SWT1: variants seen among roughly 807,000 people sequenced by gnomAD.
The protein encoded by SWT1 is SWT1 RNA endoribonuclease homolog.
In SWT1, 33 loss-of-function variants were observed where a neutral mutation model predicts 107.3. The ratio of observed to expected loss-of-function variants is 0.31; its 90% CI spans 0.23 to 0.41. SWT1 has a LOEUF of 0.41. Ranked by LOEUF, SWT1 falls within the 10% of genes least tolerant of loss-of-function variation. SWT1 has a pLI of 1.00. For synonymous variants in SWT1, 345 were observed against 348.3 expected (o/e 0.99, Z 0.11); for missense variants, 898 against 1,028.9 (o/e 0.87, Z 1.74).
At chr1:185,167,603 A>G (rs1290679126) in intron 3 of SWT1, among the ~76,000 whole-genome samples, 3 of 152,334 alleles carry the variant, frequency 2.0e-5, no homozygotes, top group Admixed American at 1.3e-4. Flanking sequence ...TCTGCTGAAA[A>G]TCTTTACTCA....
chr1:185,200,987 G>A (rs188099145), intron 10 of SWT1, among the ~76,000 whole-genome samples: 1 of 152,172 alleles, frequency 6.6e-6, no homozygotes, highest in African/African-American at 2.4e-5. Context: ...TGGCTACAGT[G>A]GCTTTGGGGC....
At chr1:185,202,484 A>G (rs1657963089) in intron 10 of SWT1, among the ~76,000 whole-genome samples, 170 bp from the exon 11 acceptor site, 1 of 152,066 alleles carries the variant, frequency 6.6e-6, no homozygotes, top group African/African-American at 2.4e-5. Context: ...GCACTTTAGA[A>G]TGGTGCCTAG....
rs770605743 is a variant in SWT1, at chr1:185,181,928, G to A, written c.1027-18G>A. 1 of 1,612,766 alleles carries A rather than the reference G, an allele frequency of 6.2e-7. No individual in the cohort carries two copies. Among genetic ancestry groups the A allele is most frequent in the South Asian group, 1.1e-5 (1 of 90,934 alleles). On this transcript the variant is annotated intron_variant, in intron 6 of 18. Coordinates refer to ENST00000367500, the MANE Select transcript of SWT1 (RefSeq NM_017673.7). The stretch of plus-strand genomic sequence containing the variant: ...CAAAGTAACTCAAAATATTTCACTG[G>A]GGTCTTTTACACTTTAGATGCAGAT...
At chr1:185,279,819 G>A (rs1189381269) in intron 18 of SWT1, among the ~76,000 whole-genome samples, 1 of 151,536 alleles carries the variant, frequency 6.6e-6, no homozygotes, top group Non-Finnish European at 1.5e-5. Context: ...GATTTAACTT[G>A]CATATAGATG....
chr1:185,236,294 C>A (rs1356973665), intron 16 of SWT1, among the ~76,000 whole-genome samples: 1 of 152,156 alleles, frequency 6.6e-6, no homozygotes, highest in Non-Finnish European at 1.5e-5. Flanking sequence ...AAACTGGAGG[C>A]ATCACGCTAC....
intron 14 of SWT1, among the ~76,000 whole-genome samples, chr1:185,217,520 A>C (rs1659312875): frequency 6.6e-6 from 1 of 152,062 alleles, no homozygotes; most frequent in Non-Finnish European, 1.5e-5. Flanking sequence ...CCCAGATGGG[A>C]CTGTAAGGTC....
At chr1:185,166,840 G>A (rs1382886308) in intron 3 of SWT1, among the ~76,000 whole-genome samples, 188 bp downstream of exon 3, 1 of 152,136 alleles carries the variant, frequency 6.6e-6, no homozygotes, top group Non-Finnish European at 1.5e-5. Flanking sequence ...TACCATGTGG[G>A]ATTAGACAAC....
chr1:185,234,594 C>T (rs1660730195), intron 16 of SWT1, among the ~76,000 whole-genome samples: 1 of 152,134 alleles, frequency 6.6e-6, no homozygotes, highest in African/African-American at 2.4e-5. Flanking sequence ...TTAATTGGGT[C>T]ATTTAGCCCA....
intron 13 of SWT1, among the ~76,000 whole-genome samples, chr1:185,208,790 A>G (rs909667889): frequency 6.6e-6 from 1 of 151,364 alleles, no homozygotes; most frequent in Non-Finnish European, 1.5e-5. Context: ...CTCAGGAGTA[A>G]GGAAAAAGGA....
chr1:185,206,174 G>T (rs1320663942), intron 12 of SWT1, among the ~76,000 whole-genome samples: 1 of 152,108 alleles, frequency 6.6e-6, no homozygotes, highest in Non-Finnish European at 1.5e-5. Context: ...GGCCAGGCTG[G>T]TCTCGAACTC....
At chr1:185,198,695 G>A (rs561486460) in intron 10 of SWT1, among the ~76,000 whole-genome samples, 1 of 151,012 alleles carries the variant, frequency 6.6e-6, no homozygotes, top group African/African-American at 2.4e-5. Flanking sequence ...GCCTTTCTTT[G>A]TCTCTTTTGA....
Position 185,181,932 on chromosome 1 carries a change from C to G in SWT1, c.1027-14C>G. The G allele has an allele frequency of 6.2e-7, 1 of 1,613,408 alleles. No individual in the cohort carries two copies. The highest frequency in any genetic ancestry group is 8.5e-7 in the Non-Finnish European group (1 of 1,179,706). On this transcript the variant is annotated splice_polypyrimidine_tract_variant and intron_variant, in intron 6 of 18. Transcript: ENST00000367500. Reference sequence around the variant, plus strand: ...GTAACTCAAAATATTTCACTGGGGTCTTTTACACTTTAGATGCAGATAGTA... The same window carrying G: ...GTAACTCAAAATATTTCACTGGGGTGTTTTACACTTTAGATGCAGATAGTA...
chr1:185,198,764 T>G lies in SWT1; in HGVS notation c.1524-3890T>G, dbSNP rs565820530. Among the ~76,000 whole-genome samples, 92 of 149,642 alleles carry G rather than the reference T, an allele frequency of 6.1e-4. 1 individual carries two copies. The South Asian group carries it at 0.015, about 24-fold the overall frequency. ...GATTGCAACCCCTGTTTTTTTTTGT[T>G]TTTTTTTTTTGCTTTCCATTTGCTT... On this transcript the variant is annotated intron_variant, in intron 10 of 18. Coordinates refer to ENST00000367500, the MANE Select transcript of SWT1 (RefSeq NM_017673.7).
At chr1:185,185,179 A>G (rs1346288620) in intron 9 of SWT1, among the ~76,000 whole-genome samples, 1 of 152,186 alleles carries the variant, frequency 6.6e-6, no homozygotes, top group African/African-American at 2.4e-5. Context: ...ATGCATAATT[A>G]TCTATATCCC....
chr1:185,166,484 A>T, intron 2 of SWT1, 88 bp from the exon 3 acceptor site: 1 of 804,454 alleles, frequency 1.2e-6, no homozygotes, highest in Non-Finnish European at 2.0e-6. Context: ...GTAAATGTTG[A>T]TTTGTAATAC....
chr1:185,202,069 A>T (rs561474678), intron 10 of SWT1, among the ~76,000 whole-genome samples: 9 of 152,290 alleles, frequency 5.9e-5, no homozygotes, highest in South Asian at 4.1e-4. Flanking sequence ...AAACACAGAT[A>T]CGATCATGTC....
chr1:185,281,600 C>G (rs935173832), intron 18 of SWT1: 7 of 214,710 alleles, frequency 3.3e-5, no homozygotes, highest in Admixed American at 1.1e-4. Context: ...CAAGGCCTTT[C>G]ACCTGAAGAC....
In SWT1 at chr1:185,202,692, G is replaced by A. The variant is rs137931893; in HGVS notation, c.1562G>A (p.Gly521Asp). The A allele has an allele frequency of 1.2e-6, 2 of 1,609,040 alleles. No individual in the cohort carries two copies. The highest frequency in any genetic ancestry group is 1.7e-5 in the Admixed American group (1 of 59,530). Residue 521 changes from glycine to aspartate, a missense_variant, in exon 11 of 19, where the codon GGT becomes GAT. This residue lies in a region of SWT1 where 382 missense variants were observed against 460.0 expected (regional missense o/e 0.83). Transcript: ENST00000367500. ...RNLRNKGLIS[G>D]VKSLSKEELS... Reference sequence around the variant, plus strand: ...TTAAGAAACAAAGGCCTAATAAGTGGTGTGAAGTCACTCAGTAAAGAAGAA... The same window carrying A: ...TTAAGAAACAAAGGCCTAATAAGTGATGTGAAGTCACTCAGTAAAGAAGAA...
At chr1:185,250,800 C>T (rs1449261108) in intron 16 of SWT1, among the ~76,000 whole-genome samples, 9 of 152,100 alleles carry the variant, frequency 5.9e-5, no homozygotes, top group African/African-American at 2.2e-4. Flanking sequence ...GTAGCTGGGA[C>T]TACAGGCATG....
Sources: allele counts gnomAD v4.1 joint callset (sites outside exome capture counted in the v4.1 genomes callset), GRCh38; gene constraint gnomAD v4.1.1; regional missense constraint gnomAD v4.1.1; transcripts MANE v1.5; gene names NCBI Gene and HGNC (gene_info 2026-07-23, HGNC 2026-07-21).